The following ZNF236 variants were observed in gnomAD, a reference collection of about 807,000 sequenced individuals.
ZNF236 encodes regulated by glucose.
Under a neutral mutation model 191.2 loss-of-function variants are expected in ZNF236, and 50 were observed. The ratio of observed to expected loss-of-function variants is 0.26; its 90% confidence interval spans 0.21 to 0.33. The LOEUF (loss-of-function observed/expected upper bound fraction) is 0.33, where lower values mean the gene tolerates loss of function less well. Ranked by LOEUF, ZNF236 falls within the 10% of genes least tolerant of loss-of-function variation. The pLI is 1.00. For missense variants in ZNF236, 1,754 were observed against 2,374.5 expected (o/e 0.74, Z 5.43); for synonymous variants, 907 against 928.8 (o/e 0.98, Z 0.43).
intron 1 of ZNF236, chr18:76,824,144 C>G (rs1214116946): frequency 1.7e-6 from 1 of 593,558 alleles, no homozygotes; most frequent in African/African-American, 1.9e-5. Flanking sequence ...ACACAGGTGC[C>G]CCAGAGAAAG....
chr18:76,909,802 A>G (rs1967167755), intron 14 of ZNF236, among the ~76,000 whole-genome samples: 1 of 152,224 alleles, frequency 6.6e-6, no homozygotes, highest in African/African-American at 2.4e-5. Context: ...TTAAACAATT[A>G]TGGAATGTAA....
At chr18:76,896,299 G>A (rs117836151) in intron 10 of ZNF236, among the ~76,000 whole-genome samples, 2,538 of 151,268 alleles carry the variant, frequency 0.017, 29 homozygotes, top group Middle Eastern at 0.021. Context: ...CACAGGTACA[G>A]CCTGCCGTGC....
chr18:76,900,948 G>C (rs1977572389), intron 11 of ZNF236, among the ~76,000 whole-genome samples: 1 of 152,162 alleles, frequency 6.6e-6, no homozygotes, highest in South Asian at 2.1e-4. Context: ...TTCTCGGAAG[G>C]AGTGCGCAGC....
At chr18:76,859,582 G>A (rs1048658184) in intron 3 of ZNF236, among the ~76,000 whole-genome samples, 1 of 152,218 alleles carries the variant, frequency 6.6e-6, no homozygotes, top group East Asian at 1.9e-4. Flanking sequence ...TCTTCCACGT[G>A]GTTCTTCACT....
intron 1 of ZNF236, among the ~76,000 whole-genome samples, chr18:76,846,940 G>A (rs544693436): frequency 7.9e-5 from 12 of 152,048 alleles, no homozygotes; most frequent in South Asian, 2.1e-4. Flanking sequence ...GATTACAGGC[G>A]TGCGCCATCA....
At chr18:76,848,598 G>A (rs943155211) in intron 1 of ZNF236, among the ~76,000 whole-genome samples, 2 of 152,148 alleles carry the variant, frequency 1.3e-5, no homozygotes, top group African/African-American at 4.8e-5. Flanking sequence ...TGTAAAAATT[G>A]AGGATTGTCT....
At chr18:76,844,312 C>T (rs566129883) in intron 1 of ZNF236, among the ~76,000 whole-genome samples, 2 of 151,556 alleles carry the variant, frequency 1.3e-5, no homozygotes, top group South Asian at 2.1e-4. Flanking sequence ...TTGGAGTGGC[C>T]TGATGCCTGT....
chr18:76,855,222 C>T (rs1049513657), intron 3 of ZNF236, among the ~76,000 whole-genome samples: 4 of 152,208 alleles, frequency 2.6e-5, no homozygotes, highest in African/African-American at 7.2e-5. Flanking sequence ...CTGTGCCTGG[C>T]CAGTTCAATT....
Position 76,870,613 on chromosome 18 carries a change from A to T in ZNF236, c.543-1088A>T, listed in dbSNP as rs899924388. Among the ~76,000 whole-genome samples the T allele has an allele frequency of 3.3e-5, 5 of 152,178 alleles. No individual in the cohort carries two copies. In the South Asian group the frequency reaches 1.0e-3, roughly 32 times the overall value. The stretch of plus-strand genomic sequence containing the variant: ...AGATAGTGGTGAGTGTCAAGAAAGA[A>T]GGACAGTGGGATGGGTGTGTGCAGT... On this transcript the variant is annotated intron_variant, in intron 4 of 30. Transcript: ENST00000320610.
chr18:76,854,109 A>G (rs997755238), intron 3 of ZNF236, among the ~76,000 whole-genome samples: 3 of 152,200 alleles, frequency 2.0e-5, no homozygotes, highest in African/African-American at 7.2e-5. Context: ...TAACGCATGC[A>G]AAACAGGTTG....
intron 22 of ZNF236, among the ~76,000 whole-genome samples, chr18:76,926,252 G>A (rs1967674109): frequency 6.6e-6 from 1 of 151,954 alleles, no homozygotes; most frequent in South Asian, 2.1e-4. Context: ...TTGCTCTGCG[G>A]TGATTAGACT....
chr18:76,954,088 C>T lies in ZNF236; in HGVS notation c.4915-1897C>T, dbSNP rs538754180. On this transcript the variant is annotated intron_variant, in intron 27 of 30. Transcript: ENST00000320610. ...CTCCTTTGGGCAAGTATGATTTTAG[C>T]AAGATTCTATTAATATAATTCAGTC... Among the ~76,000 whole-genome samples, 4 of 152,282 alleles carry T rather than the reference C, an allele frequency of 2.6e-5. No homozygotes were observed. The East Asian group carries it at 7.7e-4, about 29-fold the overall frequency.
intron 1 of ZNF236, among the ~76,000 whole-genome samples, chr18:76,823,534 G>C (rs1974927821): frequency 6.6e-6 from 1 of 152,224 alleles, no homozygotes; most frequent in East Asian, 1.9e-4. Flanking sequence ...GGGAGCGCTA[G>C]ATCGTGCACA....
At chr18:76,940,699 A>C (rs1968115929) in intron 26 of ZNF236, among the ~76,000 whole-genome samples, 2 of 152,220 alleles carry the variant, frequency 1.3e-5, no homozygotes, top group Admixed American at 1.3e-4. Flanking sequence ...GTGAAAGTTC[A>C]GTAAGTAGTT....
Position 76,960,902 on chromosome 18 carries a change from G to A in ZNF236, c.5419+47G>A, listed in dbSNP as rs1447794829. 6.4e-7 allele frequency: 1 copy of A among 1,552,754 alleles called. No homozygotes were observed. Among genetic ancestry groups the A allele is most frequent in the Non-Finnish European group, 8.7e-7 (1 of 1,147,136 alleles). On this transcript the variant is annotated intron_variant, in intron 30 of 30. Transcript: ENST00000320610. This position sits in a 1 kb window ranked among gnomAD's most constrained non-coding sequence, Gnocchi z 4.4. ...GTGCGTGCTGTTCGGTGGCCTGCGA[G>A]GCACCCTGTGTTTCGCATACATTGT...
In ZNF236 at chr18:76,925,175, T is replaced by C; in HGVS notation, c.3662-14T>C. On this transcript the variant is annotated splice_polypyrimidine_tract_variant and intron_variant, in intron 21 of 30. Transcript: ENST00000320610. The surrounding 1 kb of genome is among the most constrained non-coding windows in gnomAD (Gnocchi z 5.7). ...GCCATCGCCTCTGTTGATTCTTGGC[T>C]GGGCTTTTCACAGGTCAGAAGCTCT... 6.2e-7 allele frequency: 1 copy of C among 1,606,188 alleles called. No individual in the cohort carries two copies. Among genetic ancestry groups the C allele is most frequent in the Non-Finnish European group, 8.5e-7 (1 of 1,174,720 alleles).
At chr18:76,861,610 A>G (rs560570601) in intron 3 of ZNF236, among the ~76,000 whole-genome samples, 1 of 152,204 alleles carries the variant, frequency 6.6e-6, no homozygotes, top group South Asian at 2.1e-4. Flanking sequence ...TTTGTGTTTG[A>G]TTTTTCAGTT....
rs185615492 is a variant in ZNF236 at position 76,891,697 on chromosome 18, T to C, written c.1418-3316T>C. Among the ~76,000 whole-genome samples the C allele has an allele frequency of 1.7e-4, 26 of 152,260 alleles. No individual in the cohort carries two copies. The East Asian group carries it at 3.7e-3, about 21-fold the overall frequency. On this transcript the variant is annotated intron_variant, in intron 9 of 30. Transcript: ENST00000320610. ...TTGTCCATAATTTAATGTTTTAAAC[T>C]AAATCTTTGATTTAATTTTTTTTTT...
At position 76,935,725 on chromosome 18, in the gene ZNF236, C is replaced by T. The variant is rs188222688; in HGVS notation, c.4595-1431C>T. ...TGACCACTCATGTTAAAAACGTACC[C>T]GCAGGCTAGTGTGCGGTAAGGGTGT... On this transcript the variant is annotated intron_variant, in intron 25 of 30. Coordinates refer to ENST00000320610, the MANE Select transcript of ZNF236 (RefSeq NM_001306089.2). Among the ~76,000 whole-genome samples the T allele has an allele frequency of 5.8e-4, 89 of 152,322 alleles. 1 individual carries two copies. The highest frequency in any genetic ancestry group is 2.5e-3 in the South Asian group (12 of 4,828).
Sources: gnomAD v4.1 joint callset for allele counts (sites outside exome capture counted in the v4.1 genomes callset) on GRCh38, gnomAD v4.1.1 for gene constraint, Gnocchi (gnomAD v3.1) non-coding constraint, MANE v1.5 for transcripts, NCBI Gene and HGNC (gene_info 2026-07-23, HGNC 2026-07-21) for gene names.